The following RASGEF1C variants were observed in gnomAD, a reference collection of about 807,000 sequenced individuals.
The protein encoded by RASGEF1C is RasGEF domain family member 1C, also known as ras-GEF domain-containing family member 1C.
RASGEF1C carries 27 observed loss-of-function variants against 58.1 expected under a neutral mutation model. The observed-to-expected ratio is 0.46, with a 90% CI of 0.34 to 0.64. The LOEUF is 0.64. Among genes scored for constraint, RASGEF1C ranks in the 30% least tolerant of loss-of-function variants. The pLI, the probability that RASGEF1C is intolerant of heterozygous loss-of-function variation, is 0.01. For synonymous variants in RASGEF1C, 243 were observed against 246.3 expected (o/e 0.99, Z 0.13); for missense variants, 502 against 605.1 (o/e 0.83, Z 1.79).
chr5:180,166,544 C>T (rs1490231125), intron 1 of RASGEF1C, among the ~76,000 whole-genome samples: 1 of 144,390 alleles, frequency 6.9e-6, no homozygotes. Context: ...GACAGAGTTT[C>T]ACTGTTGTCA....
chr5:180,202,318 A>G (rs1413592126), intron 1 of RASGEF1C, among the ~76,000 whole-genome samples: 1 of 152,182 alleles, frequency 6.6e-6, no homozygotes, highest in Non-Finnish European at 1.5e-5. Flanking sequence ...AAAAAGGTAA[A>G]ATAATGGTAC....
intron 1 of RASGEF1C, among the ~76,000 whole-genome samples, chr5:180,183,641 A>G (rs952476621): frequency 2.0e-5 from 3 of 152,112 alleles, no homozygotes; most frequent in East Asian, 1.9e-4. Context: ...CCTGACCAAC[A>G]TGGAGAAATT....
In RASGEF1C at chr5:180,192,160, C is replaced by G. The variant is rs146364594; in HGVS notation, c.-7+16868G>C. Among the ~76,000 whole-genome samples, 261 of 152,316 alleles carry G rather than the reference C, an allele frequency of 1.7e-3. 1 individual carries two copies. The highest frequency in any genetic ancestry group is 3.4e-3 in the Non-Finnish European group (229 of 68,014). ...TCCCTTTTGGTTAACTAAAAGTCAA[C>G]AGACTAGTGACCTTGATCACACGGG... On this transcript the variant is annotated intron_variant, in intron 1 of 13. Coordinates refer to ENST00000361132, the MANE Select transcript of RASGEF1C (RefSeq NM_175062.4).
rs1202637441 is a variant in RASGEF1C, at chr5:180,198,203, G to GGCCCCA, written c.-7+10819_-7+10824dup. ...CAGGACAAAAGCGCACCCTTCTGCA[G>GGCCCCA]GCCCCAGCCCCAGACAGCGCCACCC... On this transcript the variant is annotated intron_variant, in intron 1 of 13. Coordinates refer to ENST00000361132, the MANE Select transcript of RASGEF1C (RefSeq NM_175062.4). This position sits in a 1 kb window ranked among gnomAD's most constrained non-coding sequence, Gnocchi z 4.5. Among the ~76,000 whole-genome samples the GGCCCCA allele has an allele frequency of 3.9e-5, 6 of 152,332 alleles. No individual in the cohort carries two copies. The highest frequency in any genetic ancestry group is 2.1e-4 in the South Asian group (1 of 4,828).
At chr5:180,200,332 T>TA (rs200905488) in intron 1 of RASGEF1C, among the ~76,000 whole-genome samples, 6,847 of 122,902 alleles carry the variant, frequency 0.056, 442 homozygotes, top group Admixed American at 0.098. Flanking sequence ...TTTTTTGAGA[T>TA]AGAGTCCTGC....
intron 1 of RASGEF1C, among the ~76,000 whole-genome samples, chr5:180,199,725 G>C (rs949945296): frequency 8.8e-6 from 1 of 113,960 alleles, no homozygotes; most frequent in Non-Finnish European, 1.6e-5. Context: ...CTTCTTTCCC[G>C]GATGGGATCT....
In RASGEF1C at chr5:180,191,404, T is replaced by C. The variant is rs1328750303; in HGVS notation, c.-7+17624A>G. On this transcript the variant is annotated intron_variant, in intron 1 of 13. Coordinates refer to ENST00000361132, the MANE Select transcript of RASGEF1C (RefSeq NM_175062.4). ...CGGAGTCTAGCTCTGTCGCCCAGGC[T>C]GGAGTGCAGTGGCGCGATCTCAGCT... is the stretch of plus-strand genomic sequence containing the variant. 8.5e-5 allele frequency among the ~76,000 whole-genome samples: 13 copies of C among 152,056 alleles called. 1 individual carries two copies. The highest frequency in any genetic ancestry group is 2.1e-4 in the South Asian group (1 of 4,818).
chr5:180,111,369 A>C, intron 12 of RASGEF1C, 88 bp downstream of exon 12: 1 of 1,572,514 alleles, frequency 6.4e-7, no homozygotes, highest in Admixed American at 1.7e-5. Context: ...TCCCTAACCT[A>C]CTCAGAGCAG....
At chr5:180,120,024 C>G (rs1165831874) in intron 7 of RASGEF1C, among the ~76,000 whole-genome samples, 1 of 152,196 alleles carries the variant, frequency 6.6e-6, no homozygotes, top group Non-Finnish European at 1.5e-5. Flanking sequence ...GGCCAGGCTT[C>G]GCCCAGGCTC....
chr5:180,119,267 C>T (rs1766126442), intron 8 of RASGEF1C, 79 bp downstream of exon 8: 1 of 1,231,090 alleles, frequency 8.1e-7, no homozygotes. Flanking sequence ...GGCTTGCACT[C>T]TGCCTGCCTG....
chr5:180,126,695 A>C (rs1463418120), intron 6 of RASGEF1C, among the ~76,000 whole-genome samples: 3 of 152,180 alleles, frequency 2.0e-5, no homozygotes, highest in African/African-American at 7.2e-5. Context: ...CATAATTTGT[A>C]ATCCAGTCCC....
At chr5:180,129,178 C>T (rs575755960) in intron 4 of RASGEF1C, among the ~76,000 whole-genome samples, 2 of 152,338 alleles carry the variant, frequency 1.3e-5, no homozygotes, top group East Asian at 3.9e-4. Context: ...CGCCCCACTC[C>T]CCATCTTCCC....
At chr5:180,133,114 C>A (rs1766398241) in intron 4 of RASGEF1C, among the ~76,000 whole-genome samples, 1 of 152,144 alleles carries the variant, frequency 6.6e-6, no homozygotes, top group African/African-American at 2.4e-5. Context: ...TTGGCACTGG[C>A]CTCCCTGAGC....
At chr5:180,152,084 G>T (rs1299236489) in intron 1 of RASGEF1C, among the ~76,000 whole-genome samples, 1 of 150,886 alleles carries the variant, frequency 6.6e-6, no homozygotes, top group African/African-American at 2.4e-5. Context: ...TGCTGGAGAG[G>T]ATGTGGAGAA....
At chr5:180,131,341 C>T (rs1766365334) in intron 4 of RASGEF1C, among the ~76,000 whole-genome samples, 1 of 152,148 alleles carries the variant, frequency 6.6e-6, no homozygotes, top group Non-Finnish European at 1.5e-5. Flanking sequence ...ACTCCTCCGC[C>T]CCTTTGACTC....
intron 10 of RASGEF1C, 21 bp downstream of exon 10, chr5:180,118,588 G>A: frequency 6.3e-7 from 1 of 1,584,818 alleles, no homozygotes; most frequent in South Asian, 1.2e-5. Flanking sequence ...GCCCCCCTGG[G>A]CCAACGTGGC....
chr5:180,118,827 G>A lies in RASGEF1C; in HGVS notation c.947C>T (p.Thr316Ile), dbSNP rs773505140. 11 of 1,614,112 alleles carry A rather than the reference G, an allele frequency of 6.8e-6. No homozygotes were observed. The highest frequency in any genetic ancestry group is 1.3e-5 in the African/African-American group (1 of 74,944). ...NMSPVSRLKK[T>I]WAKVRTAKFF... Reference sequence around the variant, plus strand: ...CTTGGCCGTCCTCACTTTGGCCCAGGTCTTCTTCAGCCTGGAGACAGGGCT... The same window carrying A: ...CTTGGCCGTCCTCACTTTGGCCCAGATCTTCTTCAGCCTGGAGACAGGGCT... Residue 316 changes from threonine to isoleucine, a missense_variant, in exon 9 of 14, where the codon ACC becomes ATC. Thr to Ile is a moderately conservative substitution (Grantham distance 89, BLOSUM62 -1). Transcript: ENST00000361132.
intron 1 of RASGEF1C, chr5:180,138,468 C>G (rs1015392386): frequency 6.2e-6 from 1 of 160,258 alleles, no homozygotes; most frequent in Non-Finnish European, 1.4e-5. Context: ...GGCTCAGCTG[C>G]AATCCCAGAA....
rs79948734 is a variant in RASGEF1C at position 180,190,455 on chromosome 5, A to T, written c.-7+18573T>A. Among the ~76,000 whole-genome samples, 1,070 of 113,038 alleles carry T rather than the reference A, an allele frequency of 9.5e-3. 441 individuals carry two copies. Among genetic ancestry groups the T allele is most frequent in the East Asian group, 0.053 (133 of 2,490 alleles). The allele number at this position is 113,038 out of a possible 152,430, so 74.2% of individuals were successfully genotyped here. On this transcript the variant is annotated intron_variant, in intron 1 of 13. Coordinates refer to ENST00000361132, the MANE Select transcript of RASGEF1C (RefSeq NM_175062.4). ...CAGTGAGCTGAGATCGCGCCACTGC[A>T]CTCCAGACTGGGTGACAGAGTGAGA...
Sources: gnomAD v4.1 joint callset for allele counts (sites outside exome capture counted in the v4.1 genomes callset) on GRCh38, gnomAD v4.1.1 for gene constraint, Gnocchi (gnomAD v3.1) non-coding constraint, MANE v1.5 for transcripts, NCBI Gene and HGNC (gene_info 2026-07-23, HGNC 2026-07-21) for gene names.